Variants in ATXN3 observed in about 807,000 individuals in gnomAD.
The protein encoded by ATXN3 is ataxin 3, also known as ataxin-3.
Under a neutral mutation model 58.2 loss-of-function variants are expected in ATXN3, and 28 were observed. The ratio of observed to expected loss-of-function variants is 0.48; its 90% CI spans 0.36 to 0.66. The LOEUF (loss-of-function observed/expected upper bound fraction) is 0.66. ATXN3 is among the 30% of genes least tolerant of loss of function. The pLI, the probability that ATXN3 is intolerant of heterozygous loss-of-function variation, is 0.00. For synonymous variants in ATXN3, 113 were observed against 138.5 expected, an observed-to-expected ratio of 0.82 and a Z score of 1.29; for missense variants, 321 against 422.1, an observed-to-expected ratio of 0.76 and a Z score of 2.10.
chr14:92,080,736 G>GCCC (rs1595731919), intron 9 of ATXN3: 1 of 488,506 alleles, frequency 2.0e-6, no homozygotes, highest in Non-Finnish European at 4.0e-6. Context: ...GGGTTTCACT[G>GCCC]TGTTGCCCAG....
At chr14:92,073,775 G>A (rs2059854270) in intron 9 of ATXN3, among the ~76,000 whole-genome samples, 1 of 151,848 alleles carries the variant, frequency 6.6e-6, no homozygotes. Flanking sequence ...GGAGGCGGAG[G>A]TTGTAGTGAG....
At chr14:92,067,459 C>T (rs1199749168) in intron 10 of ATXN3, among the ~76,000 whole-genome samples, 7 of 152,184 alleles carry the variant, frequency 4.6e-5, no homozygotes, top group African/African-American at 9.6e-5. Flanking sequence ...TACACTAGTG[C>T]GATCTTGGAT....
At chr14:92,049,997 A>G (rs1309194150), upstream of ATXN3, among the ~76,000 whole-genome samples, 2 of 152,204 alleles carry the variant, frequency 1.3e-5, no homozygotes, top group African/African-American at 4.8e-5. Flanking sequence ...AGTAATTAAC[A>G]TAAAAGCTAT....
chr14:92,049,578 AG>A (rs2057440931), intron 1 of ATXN3: 1 of 155,274 alleles, frequency 6.4e-6, no homozygotes, highest in South Asian at 1.8e-4. Flanking sequence ...AAGGGTAGCA[AG>A]AGAGGATGGA....
rs1302796985 is a variant in ATXN3, at chr14:92,093,322, A to G, written c.321-4T>C. ...GCATATAAATGATCTTTCATTTCTA[A>G]AAAAGAAAACAGACAATATTAACTT... On this transcript the variant is annotated splice_region_variant and splice_polypyrimidine_tract_variant and intron_variant, in intron 4 of 10. Transcript: ENST00000644486. The G allele has an allele frequency of 4.4e-6, 6 of 1,373,378 alleles. No individual in the cohort carries two copies. In the African/African-American group the frequency reaches 8.7e-5, roughly 20 times the overall value. 85.1% of individuals were successfully genotyped at this position (1,373,378 alleles called of 1,614,324 possible). A position where few individuals can be genotyped will look rare whatever the true frequency, so the allele number is the denominator to read the frequency against.
At chr14:92,053,530 T>G (rs1313983242), upstream of ATXN3, among the ~76,000 whole-genome samples, 1 of 150,680 alleles carries the variant, frequency 6.6e-6, no homozygotes, top group Non-Finnish European at 1.5e-5. Context: ...GGGGTCTCAC[T>G]CTGTTGCCCA....
intron 4 of ATXN3, 91 bp downstream of exon 4, chr14:92,093,655 A>T: frequency 9.6e-7 from 1 of 1,038,172 alleles, no homozygotes; most frequent in Non-Finnish European, 1.4e-6. Context: ...AAACAAAAGT[A>T]TTCAAAATGT....
chr14:92,096,963 A>T (rs2065444627), intron 1 of ATXN3, 125 bp from the exon 2 acceptor site: 3 of 799,926 alleles, frequency 3.8e-6, no homozygotes, highest in African/African-American at 3.6e-5. Context: ...GCCGGAGTGC[A>T]GTGGCGCTAT....
In ATXN3 at chr14:92,104,504, T is replaced by C. The variant is rs148849308; in HGVS notation, c.24+2025A>G. On this transcript the variant is annotated intron_variant, in intron 1 of 10. Coordinates refer to ENST00000644486, the MANE Select transcript of ATXN3 (RefSeq NM_004993.6). ...AGCTTTTTTTCATCCCATGGGTCAG[T>C]ACAAATGTGTCCCAACTAGGTAACA... is the stretch of plus-strand genomic sequence containing the variant. Among the ~76,000 whole-genome samples, 831 of 152,350 alleles carry C rather than the reference T, an allele frequency of 5.5e-3. 9 individuals carry two copies. The highest frequency in any genetic ancestry group is 0.019 in the African/African-American group (786 of 41,578).
chr14:92,101,277 GCT>G (rs1487252434), intron 1 of ATXN3, among the ~76,000 whole-genome samples: 3 of 152,154 alleles, frequency 2.0e-5, no homozygotes, highest in Non-Finnish European at 4.4e-5. Context: ...GCTACACGGA[GCT>G]AAGATTGTGC....
At chr14:92,050,188 T>C (rs1161520626), upstream of ATXN3, among the ~76,000 whole-genome samples, 1 of 151,974 alleles carries the variant, frequency 6.6e-6, no homozygotes, top group Non-Finnish European at 1.5e-5. Context: ...TGTGTTTGTA[T>C]GTGTGTATAA....
chr14:92,090,234 C>G (rs1442072590), intron 5 of ATXN3: 2 of 152,166 alleles, frequency 1.3e-5, no homozygotes, highest in Non-Finnish European at 2.9e-5. Flanking sequence ...TCCCAAGCAG[C>G]TGGGACTACA....
intron 3 of ATXN3, 100 bp from the exon 4 acceptor site, chr14:92,093,931 T>C: frequency 1.5e-6 from 1 of 664,360 alleles, no homozygotes; most frequent in East Asian, 2.9e-5. Flanking sequence ...TAAATTTCTC[T>C]AGAAGGCTAT....
Position 92,083,198 on chromosome 14 carries a change from T to A in ATXN3, c.536A>T (p.Gln179Leu), listed in dbSNP as rs2061778296. Reference sequence around the variant, plus strand: ...ATGCATCTGTTGGACCCTAATCATCTGCAGGAGTTGGTCAGCTTCGCAATC... The same window carrying A: ...ATGCATCTGTTGGACCCTAATCATCAGCAGGAGTTGGTCAGCTTCGCAATC... ...LPDCEADQLL[Q>L]MIRVQQMHRP... The change falls in exon 7 of 11, where the codon CAG becomes CTG. Residue 179 changes from glutamine to leucine, a missense_variant. Gln to Leu is a moderately radical substitution (Grantham distance 113, BLOSUM62 -2). This residue lies in a region of ATXN3 where 200 missense variants were observed against 223.2 expected (regional missense o/e 0.90). Transcript: ENST00000644486. 1 of 1,613,842 alleles carries A rather than the reference T, an allele frequency of 6.2e-7. No homozygotes were observed. The highest frequency in any genetic ancestry group is 8.5e-7 in the Non-Finnish European group (1 of 1,179,992).
intron 9 of ATXN3, among the ~76,000 whole-genome samples, chr14:92,078,475 C>T (rs1460570812): frequency 6.6e-6 from 1 of 151,974 alleles, no homozygotes; most frequent in Non-Finnish European, 1.5e-5. Flanking sequence ...GATTCTCCTG[C>T]CTCAGCCTCT....
At position 92,096,668 on chromosome 14, in the gene ATXN3, C is replaced by T. The variant is rs755774401; in HGVS notation, c.189+6G>A. On this transcript the variant is annotated splice_donor_region_variant and intron_variant, in intron 2 of 10. Coordinates refer to ENST00000644486, the MANE Select transcript of ATXN3 (RefSeq NM_004993.6). ...AAATGTGACTTAGTGAGTTTAAAAT[C>T]AGTACCTGTAAAAACGTGCGATAAT... is the stretch of plus-strand genomic sequence containing the variant. The T allele has an allele frequency of 5.1e-6, 8 of 1,558,964 alleles. No homozygotes were observed. Among genetic ancestry groups the T allele is most frequent in the Non-Finnish European group, 7.0e-6 (8 of 1,140,912 alleles).
chr14:92,065,415 T>C lies in ATXN3; in HGVS notation c.992-1001A>G, dbSNP rs771599980. Among the ~76,000 whole-genome samples, 49 of 152,322 alleles carry C rather than the reference T, an allele frequency of 3.2e-4. 1 individual carries two copies. The highest frequency in any genetic ancestry group is 4.9e-4 in the Non-Finnish European group (33 of 68,030). On this transcript the variant is annotated intron_variant, in intron 10 of 10. Transcript: ENST00000644486. ...CAAGTAAAGCTGCTATAAACATTCATGTACATGTTTTTGTGAGAATATAAA... is the reference window on the plus strand; with the variant it reads ...CAAGTAAAGCTGCTATAAACATTCACGTACATGTTTTTGTGAGAATATAAA...
At chr14:92,098,502 G>C (rs1164689017) in intron 1 of ATXN3, among the ~76,000 whole-genome samples, 1 of 152,170 alleles carries the variant, frequency 6.6e-6, no homozygotes, top group South Asian at 2.1e-4. Flanking sequence ...CATGAGAATC[G>C]CTTGAACCCA....
downstream of ATXN3, among the ~76,000 whole-genome samples, chr14:92,056,665 C>T (rs912344940): frequency 4.6e-5 from 7 of 152,154 alleles, no homozygotes; most frequent in African/African-American, 1.7e-4. Flanking sequence ...ATACAAGAGA[C>T]TCTCATAGGC....
Sources: allele counts gnomAD v4.1 joint callset (sites outside exome capture counted in the v4.1 genomes callset), GRCh38; gene constraint gnomAD v4.1.1; regional missense constraint gnomAD v4.1.1; transcripts MANE v1.5; gene names NCBI Gene and HGNC (gene_info 2026-07-23, HGNC 2026-07-21).